Variants in RAF1 observed in about 807,000 individuals in gnomAD.
RAF1 encodes RAF proto-oncogene serine/threonine-protein kinase.
Under a neutral mutation model 81.1 loss-of-function variants are expected in RAF1, and 27 were observed. That is an observed-to-expected ratio of 0.33 (90% CI 0.25 to 0.46). The LOEUF is 0.46. Among genes scored for constraint, RAF1 ranks in the 20% least tolerant of loss-of-function variants. RAF1 has a pLI of 1.00. For missense variants in RAF1, 598 were observed against 826.0 expected (o/e 0.72, Z 3.38); for synonymous variants, 298 against 294.0 (o/e 1.01, Z -0.14).
At chr3:12,653,055 G>A (rs2060583620) in intron 1 of RAF1, among the ~76,000 whole-genome samples, 1 of 152,136 alleles carries the variant, frequency 6.6e-6, no homozygotes, top group East Asian at 1.9e-4. Flanking sequence ...GATGATGCGG[G>A]TAGATCGCTT....
intron 2 of RAF1, among the ~76,000 whole-genome samples, chr3:12,617,158 G>A (rs1370126599): frequency 3.9e-5 from 6 of 152,002 alleles, no homozygotes; most frequent in Non-Finnish European, 7.4e-5. Context: ...TTTCGCCCAG[G>A]CTGGAGTGCA....
intron 1 of RAF1, among the ~76,000 whole-genome samples, chr3:12,647,762 C>T (rs1034803671): frequency 4.6e-5 from 7 of 152,148 alleles, no homozygotes; most frequent in African/African-American, 1.4e-4. Flanking sequence ...GTGATGTGTA[C>T]GTGTCAATAT....
chr3:12,655,084 G>T (rs986138756), intron 1 of RAF1, among the ~76,000 whole-genome samples: 6 of 151,736 alleles, frequency 4.0e-5, no homozygotes, highest in African/African-American at 1.5e-4. Flanking sequence ...AGTCATTAGG[G>T]TTGTTATTTT....
chr3:12,623,252 G>A (rs1210541370), intron 1 of RAF1, among the ~76,000 whole-genome samples: 3 of 152,044 alleles, frequency 2.0e-5, no homozygotes, highest in Non-Finnish European at 2.9e-5. Context: ...GATTCCAATC[G>A]ATTGGTGAAG....
intron 1 of RAF1, among the ~76,000 whole-genome samples, chr3:12,640,367 T>C (rs1482729028): frequency 6.6e-6 from 1 of 152,036 alleles, no homozygotes; most frequent in East Asian, 1.9e-4. Context: ...AATTGACAAA[T>C]GGGATCTAAT....
chr3:12,632,480 T>A (rs958376864), intron 1 of RAF1, among the ~76,000 whole-genome samples: 5 of 152,174 alleles, frequency 3.3e-5, no homozygotes, highest in African/African-American at 1.2e-4. Flanking sequence ...TTCATCTTTC[T>A]TAAGTGACAA....
chr3:12,626,896 C>T (rs1239807461), intron 1 of RAF1, among the ~76,000 whole-genome samples: 8 of 151,712 alleles, frequency 5.3e-5, no homozygotes, highest in South Asian at 4.2e-4. Context: ...TGGTGCTGCA[C>T]GCCTGTAGTC....
chr3:12,585,477 T>G (rs2058302384), intron 15 of RAF1: 1 of 970,934 alleles, frequency 1.0e-6, no homozygotes, highest in African/African-American at 1.8e-5. Context: ...CCCAGCTTAT[T>G]AACTCCTCTC....
rs866680078 is a variant in RAF1, at chr3:12,600,411, G to A, written c.899C>T (p.Ala300Val). 1 of 1,614,116 alleles carries A rather than the reference G, an allele frequency of 6.2e-7. No homozygotes were observed. The highest frequency in any genetic ancestry group is 8.5e-7 in the Non-Finnish European group (1 of 1,180,004). ...ACCTGATTCGCTGTGACTTCGAATT[G>A]CATCCTGAAACAGAAAAGGAAAGCT... is the stretch of plus-strand genomic sequence containing the variant. The change falls in exon 9 of 18, where the codon GCA becomes GTA. Residue 300 changes from alanine (A) to valine (V), a missense_variant. Ala to Val is a moderately conservative substitution (Grantham distance 64). This residue lies in a region of RAF1 where 194 missense variants were observed against 202.7 expected (regional missense o/e 0.96). Transcript: ENST00000442415.
intron 2 of RAF1, among the ~76,000 whole-genome samples, chr3:12,614,653 T>C (rs1176554248): frequency 1.3e-5 from 2 of 151,964 alleles, no homozygotes; most frequent in Non-Finnish European, 1.5e-5. Context: ...CTCAAACTCC[T>C]GGGCTCAAGC....
rs1269157146 is a variant in RAF1, at chr3:12,584,552, A to C, written c.1969T>G (p.Cys657Gly). The change falls in exon 18 of 18, where the codon TGC becomes GGC. Residue 657 changes from cysteine (C) to glycine (G), a missense_variant. Physicochemically the swap from Cys to Gly is radical, Grantham distance 159. Coordinates refer to ENST00000442415, the MANE Select transcript of RAF1 (RefSeq NM_001354689.3). ...AGCCTCGGGGACGTGGTCAGCGTGC[A>C]AGCATTGATATCCTCAGTGTGGGCT... 6.2e-7 allele frequency: 1 copy of C among 1,614,076 alleles called. No individual in the cohort carries two copies. Among genetic ancestry groups the C allele is most frequent in the Non-Finnish European group, 8.5e-7 (1 of 1,180,044 alleles).
At chr3:12,636,986 G>C (rs988896058) in intron 1 of RAF1, among the ~76,000 whole-genome samples, 4 of 152,070 alleles carry the variant, frequency 2.6e-5, no homozygotes, top group African/African-American at 9.7e-5. Flanking sequence ...CATGGATCTA[G>C]GGTAAAGATA....
Position 12,583,663 on chromosome 3 carries a change from A to G in RAF1, c.*851T>C. ...AATTGAGGGACCATCAGATAACTGT[A>G]TTTTGTCAGGTGCAATAAAAACAAA... On this transcript the variant is annotated 3_prime_UTR_variant, in exon 18 of 18. Transcript: ENST00000442415. 4.3e-6 allele frequency: 1 copy of G among 233,294 alleles called. No homozygotes were observed. Among genetic ancestry groups the G allele is most frequent in the African/African-American group, 2.2e-5 (1 of 45,474 alleles). 14.5% of individuals were successfully genotyped at this position (233,294 alleles called of 1,614,324 possible). A position where few individuals can be genotyped will look rare whatever the true frequency, so the allele number is the denominator to read the frequency against.
At chr3:12,643,008 A>C (rs921973148) in intron 1 of RAF1, among the ~76,000 whole-genome samples, 2 of 152,074 alleles carry the variant, frequency 1.3e-5, no homozygotes, top group African/African-American at 4.8e-5. Context: ...AAGAAAGAGA[A>C]GAACAGAAGC....
intron 1 of RAF1, among the ~76,000 whole-genome samples, chr3:12,639,099 T>C (rs908330030): frequency 6.6e-6 from 1 of 151,896 alleles, no homozygotes; most frequent in Admixed American, 6.6e-5. Flanking sequence ...ATCCATCATA[T>C]AAACAGAACC....
chr3:12,616,997 C>A (rs948388511), intron 2 of RAF1, among the ~76,000 whole-genome samples: 9 of 152,258 alleles, frequency 5.9e-5, no homozygotes, highest in African/African-American at 2.2e-4. Context: ...TGAAGTGGTG[C>A]AATCTCAGCT....
intron 11 of RAF1, 133 bp from the exon 11 acceptor site, chr3:12,591,925 ATT>A (rs34541887): frequency 6.3e-3 from 3,954 of 629,768 alleles, no homozygotes; most frequent in East Asian, 9.7e-3. Flanking sequence ...CAAATTTCCA[ATT>A]TTTTTTTTTT....
chr3:12,601,181 C>T (rs2058851352), intron 8 of RAF1, among the ~76,000 whole-genome samples: 1 of 152,154 alleles, frequency 6.6e-6, no homozygotes, highest in African/African-American at 2.4e-5. Flanking sequence ...GACCACAAAT[C>T]CAAGTTCAAA....
At chr3:12,597,520 C>T (rs1442781928) in intron 11 of RAF1, among the ~76,000 whole-genome samples, 2 of 152,214 alleles carry the variant, frequency 1.3e-5, no homozygotes, top group African/African-American at 2.4e-5. Flanking sequence ...CTGCCTCCTA[C>T]AACTACTAGC....
Sources: gnomAD v4.1 joint callset for allele counts (sites outside exome capture counted in the v4.1 genomes callset) on GRCh38, gnomAD v4.1.1 for gene constraint, gnomAD v4.1.1 regional missense constraint, MANE v1.5 for transcripts, NCBI Gene and HGNC (gene_info 2026-07-23, HGNC 2026-07-21) for gene names.